The following EFHB variants were observed in gnomAD, a reference collection of about 807,000 sequenced individuals.
EFHB encodes EF-hand domain family member B.
Under a neutral mutation model 87.2 loss-of-function variants are expected in EFHB, and 91 were observed. The observed-to-expected ratio is 1.04, with a 90% CI of 0.88 to 1.24. EFHB has a LOEUF of 1.24. EFHB is among the 50% of genes most tolerant of loss of function. The pLI is 0.00. For synonymous variants in EFHB, 325 were observed against 333.6 expected, an observed-to-expected ratio of 0.97 and a Z score of 0.28; for missense variants, 1,084 against 998.8, an observed-to-expected ratio of 1.09 and a Z score of -1.15.
chr3:19,913,525 C>T (rs1695129525), intron 5 of EFHB, among the ~76,000 whole-genome samples: 1 of 152,064 alleles, frequency 6.6e-6, no homozygotes, highest in Non-Finnish European at 1.5e-5. Context: ...CTATAAAACA[C>T]TGATGAAAGA....
At chr3:19,893,696 C>G (rs1365234330) in intron 9 of EFHB, among the ~76,000 whole-genome samples, 1 of 152,172 alleles carries the variant, frequency 6.6e-6, no homozygotes, top group Non-Finnish European at 1.5e-5. Context: ...TTGGAAACAG[C>G]AGAGAATGAC....
chr3:19,904,309 C>T (rs1354282501), intron 6 of EFHB, among the ~76,000 whole-genome samples: 3 of 152,198 alleles, frequency 2.0e-5, no homozygotes, highest in Non-Finnish European at 4.4e-5. Flanking sequence ...AGTCTGAAAT[C>T]AAAGTGTCAG....
At position 19,933,320 on chromosome 3, in the gene EFHB, A is replaced by G. The variant is rs2125167348; in HGVS notation, c.699T>C (p.Ala233=). The change falls in exon 1 of 13, where the codon GCT becomes GCC. Residue 233 remains alanine (A), a synonymous_variant. Transcript: ENST00000295824. ...FAQQHEQRKE[A]GNIESGVEPP... ...GTTCCACTCCTGATTCAATGTTTCC[A>G]GCCTCCTTTCTCTGTTCATGTTGTT... The G allele has an allele frequency of 3.7e-6, 6 of 1,613,962 alleles. No homozygotes were observed. Among genetic ancestry groups the G allele is most frequent in the East Asian group, 2.2e-5 (1 of 44,880 alleles).
intron 3 of EFHB, among the ~76,000 whole-genome samples, chr3:19,919,107 G>A (rs749615009): frequency 6.6e-6 from 1 of 151,946 alleles, no homozygotes; most frequent in Non-Finnish European, 1.5e-5. Flanking sequence ...ATCAATAGCA[G>A]ATAACCAACA....
chr3:19,921,991 C>A (rs890885064), intron 1 of EFHB, among the ~76,000 whole-genome samples: 5 of 151,908 alleles, frequency 3.3e-5, no homozygotes, highest in East Asian at 3.9e-4. Context: ...ATGGTGAAAC[C>A]CCGTCCCTTC....
intron 5 of EFHB, among the ~76,000 whole-genome samples, chr3:19,909,767 A>G (rs1211452858): frequency 6.6e-6 from 1 of 152,128 alleles, no homozygotes; most frequent in South Asian, 2.1e-4. Flanking sequence ...AAGATAGGGC[A>G]CTGTGGGACT....
rs961247075 is a variant in EFHB, at chr3:19,920,567, C to T, written c.790G>A (p.Ala264Thr). 5 of 1,590,662 alleles carry T rather than the reference C, an allele frequency of 3.1e-6. No homozygotes were observed. Among genetic ancestry groups the T allele is most frequent in the African/African-American group, 1.4e-5 (1 of 73,404 alleles). The stretch of plus-strand genomic sequence containing the variant: ...TAACCAACTGGAATAACTTTTCCTG[C>T]CTTTGGGGGAAAAAAATGGGTTGAT... ...FFDRTPCWPSAGKVIPVGYRV... is the reference protein window; with the variant it reads ...FFDRTPCWPSTGKVIPVGYRV... The change falls in exon 2 of 13, where the codon GCA (alanine) becomes ACA (threonine). Residue 264 changes from alanine to threonine, a missense_variant and splice_region_variant. Transcript: ENST00000295824.
In EFHB at chr3:19,905,708, TA is replaced by T. The variant is rs752554055; in HGVS notation, c.1329del (p.His443GlnfsTer31). ...GTTGGTACTCCATACACACTACACC[TA>T]TGGAAACTTGATGGGTTATACTTTC... ...KNRKYNPSSF[H>X]RCSVYGVPTP... On this transcript the variant is annotated frameshift_variant, in exon 6 of 13. Coordinates refer to ENST00000295824, the MANE Select transcript of EFHB (RefSeq NM_144715.4). LOFTEE classifies it high-confidence loss of function. 63 of 1,612,790 alleles carry T rather than the reference TA, an allele frequency of 3.9e-5. No homozygotes were observed. The highest frequency in any genetic ancestry group is 5.3e-5 in the Non-Finnish European group (62 of 1,179,188).
chr3:19,943,752 G>T (rs1169043764), intron 1 of EFHB, among the ~76,000 whole-genome samples: 3 of 152,140 alleles, frequency 2.0e-5, no homozygotes, highest in Non-Finnish European at 4.4e-5. Context: ...GGGAATAAGG[G>T]AGTGTCCAAG....
At chr3:19,887,498 T>C (rs62279123) in intron 10 of EFHB, among the ~76,000 whole-genome samples, 27,131 of 151,940 alleles carry the variant, frequency 0.18, 3,163 homozygotes, top group Non-Finnish European at 0.26. Flanking sequence ...TATACACATA[T>C]GTATATATGT....
At chr3:19,942,704 C>T (rs1252689207) in intron 1 of EFHB, among the ~76,000 whole-genome samples, 1 of 152,178 alleles carries the variant, frequency 6.6e-6, no homozygotes, top group Admixed American at 6.5e-5. Flanking sequence ...AGTGACAGAT[C>T]ATCAGGCATT....
chr3:19,893,456 C>T (rs1056746289), intron 9 of EFHB, among the ~76,000 whole-genome samples: 4 of 152,170 alleles, frequency 2.6e-5, no homozygotes, highest in South Asian at 2.1e-4. Context: ...ATAGGGGGAG[C>T]GCAGCAACCG....
At chr3:19,890,653 C>T (rs1694274789) in intron 9 of EFHB, among the ~76,000 whole-genome samples, 1 of 150,948 alleles carries the variant, frequency 6.6e-6, no homozygotes, top group South Asian at 2.1e-4. Flanking sequence ...ATTGTTATTA[C>T]CTTTGGGACC....
At chr3:19,942,740 C>T (rs1445378201) in intron 1 of EFHB, among the ~76,000 whole-genome samples, 1 of 152,062 alleles carries the variant, frequency 6.6e-6, no homozygotes, top group African/African-American at 2.4e-5. Context: ...GTGCTAGATC[C>T]CTTGTGTGTG....
intron 2 of EFHB, among the ~76,000 whole-genome samples, chr3:19,920,205 A>G (rs1695389823): frequency 6.6e-6 from 1 of 152,188 alleles, no homozygotes; most frequent in Non-Finnish European, 1.5e-5. Flanking sequence ...CCTAAACAAC[A>G]TATTTTAAAT....
At chr3:19,908,675 T>A (rs1017139122) in intron 5 of EFHB, among the ~76,000 whole-genome samples, 2 of 147,568 alleles carry the variant, frequency 1.4e-5, no homozygotes, top group Non-Finnish European at 3.0e-5. Flanking sequence ...CTGTGTGAGA[T>A]AGAGAATTGT....
rs1209063945 is a variant in EFHB, at chr3:19,933,252, T to C, written c.767A>G (p.Asp256Gly). ...IRPIYSGKFFDRTPCWPSAGK... is the reference protein window; with the variant it reads ...IRPIYSGKFFGRTPCWPSAGK... ...TACACTTGGCCAGCAAGGGGTCCGATCAAAAAACTTCCCAGAGTATATGGG... is the reference window on the plus strand; with the variant it reads ...TACACTTGGCCAGCAAGGGGTCCGACCAAAAAACTTCCCAGAGTATATGGG... Residue 256 changes from aspartate (D) to glycine (G), a missense_variant, in exon 1 of 13, where the codon GAT becomes GGT. Asp to Gly is a moderately conservative substitution (Grantham distance 94). Transcript: ENST00000295824. 1 of 1,613,298 alleles carries C rather than the reference T, an allele frequency of 6.2e-7. No individual in the cohort carries two copies. Among genetic ancestry groups the C allele is most frequent in the East Asian group, 2.2e-5 (1 of 44,886 alleles).
intron 9 of EFHB, among the ~76,000 whole-genome samples, chr3:19,892,711 T>C (rs10155054): frequency 0.26 from 39,955 of 151,902 alleles, 5,690 homozygotes; most frequent in African/African-American, 0.34. Flanking sequence ...GTGTGAGAGC[T>C]GGGAGCAGTA....
Position 19,884,405 on chromosome 3 carries a change from G to C in EFHB, c.2144C>G (p.Thr715Ser). 6.2e-7 allele frequency: 1 copy of C among 1,612,788 alleles called. No homozygotes were observed. Among genetic ancestry groups the C allele is most frequent in the Non-Finnish European group, 8.5e-7 (1 of 1,179,386 alleles). Residue 715 changes from threonine to serine, a missense_variant and splice_region_variant, in exon 11 of 13, where the codon ACT (threonine) becomes AGT (serine). Physicochemically the swap from Thr to Ser is moderately conservative, Grantham distance 58 (BLOSUM62 1). Transcript: ENST00000295824. The part of the protein sequence containing the change: ...INAIVGAIPS[T>S]CYPICGVPTI... ...AACTTGACAAATAAGTGACATACAA[G>C]TAGAAGGAATGGCTCCTACAATTGC...
Sources: allele counts gnomAD v4.1 joint callset (sites outside exome capture counted in the v4.1 genomes callset), GRCh38; gene constraint gnomAD v4.1.1; transcripts MANE v1.5; gene names NCBI Gene and HGNC (gene_info 2026-07-23, HGNC 2026-07-21).